The following GALNT2 variants were observed in gnomAD, a reference collection of about 807,000 sequenced individuals.
The protein encoded by GALNT2 is polypeptide N-acetylgalactosaminyltransferase 2, also known as UDP-GalNAc:polypeptide N-acetylgalactosaminyltransferase 2.
GALNT2 carries 31 observed loss-of-function variants against 81.4 expected under a neutral mutation model. The observed-to-expected ratio is 0.38, with a 90% CI of 0.29 to 0.51. GALNT2 has a LOEUF of 0.51. Ranked by LOEUF, GALNT2 falls within the 20% of genes least tolerant of loss-of-function variation. GALNT2 has a pLI of 0.87. For synonymous variants in GALNT2, 303 were observed against 287.4 expected, an observed-to-expected ratio of 1.05 and a Z score of -0.55; for missense variants, 629 against 765.7, an observed-to-expected ratio of 0.82 and a Z score of 2.11.
intron 1 of GALNT2, among the ~76,000 whole-genome samples, chr1:230,117,947 G>A (rs1385040978): frequency 1.3e-5 from 2 of 152,204 alleles, no homozygotes; most frequent in African/African-American, 4.8e-5. Context: ...GCCTCACTCT[G>A]TTCTGGGCAG....
intron 1 of GALNT2, among the ~76,000 whole-genome samples, chr1:230,146,333 T>C (rs771543737): frequency 6.6e-6 from 1 of 152,274 alleles, no homozygotes; most frequent in Non-Finnish European, 1.5e-5. Context: ...TCATGTCTTA[T>C]GTGTGCCTGG....
rs146593989 is a variant in GALNT2 at position 230,115,381 on chromosome 1, G to A, written c.126+47975G>A. 2.6e-3 allele frequency among the ~76,000 whole-genome samples: 402 copies of A among 152,254 alleles called. 1 individual carries two copies. Among genetic ancestry groups the A allele is most frequent in the African/African-American group, 7.4e-3 (309 of 41,532 alleles). The stretch of plus-strand genomic sequence containing the variant: ...GTTTGATTTCAGGCCATCACATAAA[G>A]CAAATACGGCAGTAAAGCAAGTCAC... On this transcript the variant is annotated intron_variant, in intron 1 of 15. Transcript: ENST00000366672.
intron 11 of GALNT2, among the ~76,000 whole-genome samples, chr1:230,261,591 C>T (rs1458338141): frequency 1.3e-5 from 2 of 152,212 alleles, no homozygotes; most frequent in African/African-American, 2.4e-5. Context: ...GAATACACTG[C>T]TGATACCTAT....
In GALNT2 at chr1:230,067,326, G is replaced by A; in HGVS notation, c.46G>A (p.Val16Met). ...RMLLCFAFLW[V>M]LGIAYYMYSG... ...GCTGCTCTGCTTCGCCTTCCTGTGG[G>A]TGCTGGGCATCGCCTACTACATGTA... Residue 16 changes from valine (V) to methionine (M), a missense_variant, in exon 1 of 16, where the codon GTG becomes ATG. Physicochemically the swap from Val to Met is conservative, Grantham distance 21 (BLOSUM62 1). This residue lies in a region of GALNT2 where 62 missense variants were observed against 47.3 expected (regional missense o/e 1.31). Coordinates refer to ENST00000366672, the MANE Select transcript of GALNT2 (RefSeq NM_004481.5). 2 of 1,392,504 alleles carry A rather than the reference G, an allele frequency of 1.4e-6. No homozygotes were observed. The highest frequency in any genetic ancestry group is 9.4e-7 in the Non-Finnish European group (1 of 1,060,296). 86.3% of individuals were successfully genotyped at this position (1,392,504 alleles called of 1,614,324 possible).
rs1661708074 is a variant in GALNT2, at chr1:230,140,855, T to G, written c.127-37363T>G. Among the ~76,000 whole-genome samples, 2 of 152,210 alleles carry G rather than the reference T, an allele frequency of 1.3e-5. 1 individual carries two copies. Among genetic ancestry groups the G allele is most frequent in the Admixed American group, 1.3e-4 (2 of 15,284 alleles). ...AGTATATGCCATTATACAACCCAGC[T>G]GTACAGTATTTCAGTGTATTCAGAG... On this transcript the variant is annotated intron_variant, in intron 1 of 15. Coordinates refer to ENST00000366672, the MANE Select transcript of GALNT2 (RefSeq NM_004481.5).
chr1:230,190,410 T>A (rs576504436), intron 2 of GALNT2, among the ~76,000 whole-genome samples: 86 of 152,320 alleles, frequency 5.6e-4, no homozygotes, highest in African/African-American at 2.0e-3. Context: ...TAGAGTTGGC[T>A]CCTGGGACCA....
At chr1:230,065,050 A>G (rs1659139256), upstream of GALNT2, among the ~76,000 whole-genome samples, 1 of 148,446 alleles carries the variant, frequency 6.7e-6, no homozygotes, top group South Asian at 2.1e-4. Flanking sequence ...TTATTCCTGG[A>G]TTATTTTCTG....
chr1:230,169,731 T>C (rs966333), intron 1 of GALNT2, among the ~76,000 whole-genome samples: 136,192 of 152,276 alleles, frequency 0.89, 61,186 homozygotes, highest in African/African-American at 0.97. Context: ...TCCCCACCAG[T>C]GTGTTTTTCT....
At chr1:230,129,883 G>A (rs933482714) in intron 1 of GALNT2, among the ~76,000 whole-genome samples, 2 of 152,220 alleles carry the variant, frequency 1.3e-5, no homozygotes, top group African/African-American at 2.4e-5. Flanking sequence ...AGGACCACAG[G>A]TTGTCCCCAG....
rs570535995 is a variant in GALNT2 at position 230,068,101 on chromosome 1, G to T, written c.126+695G>T. 7.2e-5 allele frequency among the ~76,000 whole-genome samples: 11 copies of T among 152,386 alleles called. No homozygotes were observed. In the East Asian group the frequency reaches 1.9e-3, roughly 27 times the overall value. ...GCCCCCGGCCCTCCCGCGCGAGCCG[G>T]ACGTGGCCTCCTGCGCTTGCATTTT... On this transcript the variant is annotated intron_variant, in intron 1 of 15. Transcript: ENST00000366672.
At chr1:230,178,437 C>A (rs1206174228) in intron 2 of GALNT2, 126 bp downstream of exon 2, 1 of 644,000 alleles carries the variant, frequency 1.6e-6, no homozygotes, top group South Asian at 2.3e-5. Context: ...GAGACACCGC[C>A]CTAAAGCACT....
chr1:230,242,466 A>G (rs183094020), intron 6 of GALNT2, among the ~76,000 whole-genome samples: 7 of 152,316 alleles, frequency 4.6e-5, no homozygotes, highest in Non-Finnish European at 8.8e-5. Flanking sequence ...TAGAAAGCCC[A>G]GCATATATAG....
chr1:230,061,348 C>G (rs1571915612), intron 1 of GALNT2, among the ~76,000 whole-genome samples: 1 of 152,098 alleles, frequency 6.6e-6, no homozygotes. Context: ...GCCTAGCTCC[C>G]CAAAACAATG....
intron 2 of GALNT2, among the ~76,000 whole-genome samples, chr1:230,188,019 T>TG (rs1471705359): frequency 6.6e-6 from 1 of 152,204 alleles, no homozygotes; most frequent in Non-Finnish European, 1.5e-5. Context: ...GTTCTCACTT[T>TG]GGGCCCTACG....
chr1:230,093,501 G>A (rs1279650737), intron 1 of GALNT2, among the ~76,000 whole-genome samples: 2 of 152,198 alleles, frequency 1.3e-5, no homozygotes, highest in Admixed American at 6.5e-5. Context: ...GATCGGCTGC[G>A]GGCTGTGTTC....
intron 11 of GALNT2, 155 bp downstream of exon 11, chr1:230,255,499 G>A (rs1665684823): frequency 2.0e-6 from 2 of 986,718 alleles, no homozygotes; most frequent in Non-Finnish European, 3.0e-6. Flanking sequence ...GCATTCCACG[G>A]ATGCAGGATA....
At chr1:230,205,906 C>T (rs866469067) in intron 3 of GALNT2, among the ~76,000 whole-genome samples, 77 of 152,232 alleles carry the variant, frequency 5.1e-4, no homozygotes, top group Admixed American at 3.9e-3. Flanking sequence ...CGGAGGTGCC[C>T]GGAATGTTGA....
At chr1:230,115,518 T>A (rs1003597238) in intron 1 of GALNT2, among the ~76,000 whole-genome samples, 4 of 152,220 alleles carry the variant, frequency 2.6e-5, no homozygotes, top group African/African-American at 9.7e-5. Context: ...AATTTTAAAA[T>A]ATTTTATTAC....
At chr1:230,235,776 A>G (rs192244598) in intron 3 of GALNT2, among the ~76,000 whole-genome samples, 22 of 152,278 alleles carry the variant, frequency 1.4e-4, no homozygotes, top group African/African-American at 4.8e-4. Context: ...GATGTTCTCA[A>G]TATGTTACTT....
Sources: gnomAD v4.1 joint callset for allele counts (sites outside exome capture counted in the v4.1 genomes callset) on GRCh38, gnomAD v4.1.1 for gene constraint, gnomAD v4.1.1 regional missense constraint, MANE v1.5 for transcripts, NCBI Gene and HGNC (gene_info 2026-07-23, HGNC 2026-07-21) for gene names.